The following KCND2 variants were observed in gnomAD, a reference collection of about 807,000 sequenced individuals.
The protein encoded by KCND2 is A-type voltage-gated potassium channel KCND2.
In KCND2, 16 loss-of-function variants were observed where a neutral mutation model predicts 54.4. The ratio of observed to expected loss-of-function variants is 0.29; its 90% CI spans 0.20 to 0.45. KCND2 has a LOEUF of 0.45. KCND2 is among the 20% of genes least tolerant of loss of function. KCND2 has a pLI of 1.00. For synonymous variants in KCND2, 317 were observed against 310.7 expected, an observed-to-expected ratio of 1.02 and a Z score of -0.21; for missense variants, 486 against 824.2, an observed-to-expected ratio of 0.59 and a Z score of 5.02.
intron 1 of KCND2, among the ~76,000 whole-genome samples, chr7:120,723,040 G>A (rs965526142): frequency 7.9e-5 from 12 of 152,180 alleles, no homozygotes; most frequent in African/African-American, 2.4e-4. Context: ...ACCATGCACC[G>A]TGGGGAGTTT....
chr7:120,531,154 A>G (rs1791838081), intron 1 of KCND2, among the ~76,000 whole-genome samples: 1 of 152,046 alleles, frequency 6.6e-6, no homozygotes, highest in Admixed American at 6.6e-5. Flanking sequence ...TCTCTAGTCA[A>G]TTCACACTTC....
chr7:120,558,467 G>A (rs1792191972), intron 1 of KCND2, among the ~76,000 whole-genome samples: 1 of 152,140 alleles, frequency 6.6e-6, no homozygotes, highest in Non-Finnish European at 1.5e-5. Flanking sequence ...CGCAGTAATG[G>A]AGGGGAACAT....
intron 1 of KCND2, among the ~76,000 whole-genome samples, chr7:120,711,801 T>G (rs1399273357): frequency 6.6e-6 from 1 of 152,162 alleles, no homozygotes; most frequent in East Asian, 1.9e-4. Flanking sequence ...TGAGTTTATT[T>G]TTTATTTTAA....
At chr7:120,576,085 C>A (rs1416940734) in intron 1 of KCND2, among the ~76,000 whole-genome samples, 4 of 152,078 alleles carry the variant, frequency 2.6e-5, no homozygotes, top group African/African-American at 9.7e-5. Context: ...AATTACCCCC[C>A]AAAAGTCAAT....
At chr7:120,340,062 T>G (rs947534606) in intron 1 of KCND2, among the ~76,000 whole-genome samples, 1 of 152,186 alleles carries the variant, frequency 6.6e-6, no homozygotes, top group East Asian at 1.9e-4. Flanking sequence ...GTGCTTGTAA[T>G]CACTTGACTT....
intron 1 of KCND2, among the ~76,000 whole-genome samples, chr7:120,552,003 T>C (rs575790557): frequency 6.6e-6 from 1 of 152,186 alleles, no homozygotes; most frequent in South Asian, 2.1e-4. Flanking sequence ...CATCCCAGTT[T>C]GACAAAGAAT....
intron 1 of KCND2, among the ~76,000 whole-genome samples, chr7:120,494,008 TAAATG>T (rs1802817949): frequency 6.6e-6 from 1 of 152,102 alleles, no homozygotes; most frequent in Admixed American, 6.6e-5. Flanking sequence ...AAGTCATAAA[TAAATG>T]AAAAGTGTCA....
At chr7:120,324,426 G>A (rs1398977828) in intron 1 of KCND2, among the ~76,000 whole-genome samples, 2 of 144,258 alleles carry the variant, frequency 1.4e-5, no homozygotes, top group Non-Finnish European at 3.1e-5. Flanking sequence ...GGTTTTTATG[G>A]TTTTAGGTCT....
chr7:120,560,886 G>T (rs1312922293), intron 1 of KCND2, among the ~76,000 whole-genome samples: 3 of 152,132 alleles, frequency 2.0e-5, no homozygotes, highest in Non-Finnish European at 4.4e-5. Context: ...CGAATTCAGA[G>T]AAGTTGTATG....
intron 1 of KCND2, among the ~76,000 whole-genome samples, chr7:120,331,907 C>T (rs1323603319): frequency 1.3e-5 from 2 of 151,720 alleles, no homozygotes; most frequent in Non-Finnish European, 2.9e-5. Context: ...AGGCTCCCCA[C>T]TCTCCTTTTC....
At chr7:120,393,317 C>T (rs1801105119) in intron 1 of KCND2, among the ~76,000 whole-genome samples, 3 of 152,142 alleles carry the variant, frequency 2.0e-5, no homozygotes, top group African/African-American at 4.8e-5. Context: ...ATACCAAACT[C>T]ATCGGGAGCA....
intron 1 of KCND2, among the ~76,000 whole-genome samples, chr7:120,729,291 T>C (rs1792776169): frequency 6.6e-6 from 1 of 152,212 alleles, no homozygotes; most frequent in Admixed American, 6.5e-5. Flanking sequence ...ACATGAATCA[T>C]ACTATATTTT....
chr7:120,280,810 T>C (rs1268205087), intron 1 of KCND2, among the ~76,000 whole-genome samples: 1 of 152,128 alleles, frequency 6.6e-6, no homozygotes, highest in Non-Finnish European at 1.5e-5. Context: ...TAGAAATGTG[T>C]TATAATAATT....
At chr7:120,334,675 G>A (rs1336235382) in intron 1 of KCND2, among the ~76,000 whole-genome samples, 2 of 152,108 alleles carry the variant, frequency 1.3e-5, no homozygotes, top group Non-Finnish European at 2.9e-5. Flanking sequence ...GAGGTCACAT[G>A]GTTTTCAGTA....
intron 4 of KCND2, among the ~76,000 whole-genome samples, chr7:120,743,228 GTCATAATCTATGATAA>G (rs1324384847): frequency 6.6e-6 from 1 of 152,140 alleles, no homozygotes; most frequent in African/African-American, 2.4e-5. Context: ...GTAAATAGGA[GTCATAATCTATGATAA>G]TCACAGAGCA....
At chr7:120,447,475 A>G (rs57829591) in intron 1 of KCND2, among the ~76,000 whole-genome samples, 1,628 of 152,246 alleles carry the variant, frequency 0.011, 30 homozygotes, top group African/African-American at 0.037. Context: ...CCGTAGCCAT[A>G]TTGTAACTGA....
At chr7:120,510,417 G>C (rs1803095808) in intron 1 of KCND2, among the ~76,000 whole-genome samples, 1 of 152,048 alleles carries the variant, frequency 6.6e-6, no homozygotes, top group Non-Finnish European at 1.5e-5. Context: ...GTCGCACTTT[G>C]CCTCTCAGAA....
rs747213414 is a variant in KCND2 at position 120,746,067 on chromosome 7, G to T, written c.1715+40G>T. 4.4e-6 allele frequency: 7 copies of T among 1,604,362 alleles called. No individual in the cohort carries two copies. The African/African-American group carries it at 5.3e-5, about 12-fold the overall frequency. ...TCTGTGTTGTCTACACACCTGTGCTGGTTCCCAGGGTGTGTCTTCTGCACT... is the reference window on the plus strand; with the variant it reads ...TCTGTGTTGTCTACACACCTGTGCTTGTTCCCAGGGTGTGTCTTCTGCACT... On this transcript the variant is annotated intron_variant, in intron 5 of 5. Transcript: ENST00000331113.
chr7:120,429,545 G>A (rs1213617564), intron 1 of KCND2, among the ~76,000 whole-genome samples: 1 of 151,994 alleles, frequency 6.6e-6, no homozygotes, highest in African/African-American at 2.4e-5. Flanking sequence ...GGAAGGGGAA[G>A]AGGAAGAAGA....
Sources: allele counts gnomAD v4.1 joint callset (sites outside exome capture counted in the v4.1 genomes callset), GRCh38; gene constraint gnomAD v4.1.1; transcripts MANE v1.5; gene names NCBI Gene and HGNC (gene_info 2026-07-23, HGNC 2026-07-21).